ADAMTS20: variants seen among roughly 807,000 people sequenced by gnomAD.
ADAMTS20 encodes A disintegrin and metalloproteinase with thrombospondin motifs 20.
A neutral mutation model predicts 260.1 loss-of-function variants in ADAMTS20; 225 were observed. The observed-to-expected ratio is 0.87, with a 90% CI of 0.78 to 0.97. The LOEUF is 0.97. ADAMTS20 is among the 50% of genes least tolerant of loss of function. The pLI, the probability that ADAMTS20 is intolerant of heterozygous loss-of-function variation, is 0.00. For synonymous variants in ADAMTS20, 802 were observed against 769.5 expected (o/e 1.04, Z -0.70); for missense variants, 2,400 against 2,337.7 (o/e 1.03, Z -0.55).
intron 4 of ADAMTS20, among the ~76,000 whole-genome samples, chr12:43,498,023 A>G (rs1942701574): frequency 6.6e-6 from 1 of 152,090 alleles, no homozygotes; most frequent in Non-Finnish European, 1.5e-5. Flanking sequence ...TTAATAATGC[A>G]TATATATATG....
At chr12:43,388,589 T>C (rs1260583292) in intron 29 of ADAMTS20, among the ~76,000 whole-genome samples, 4 of 152,210 alleles carry the variant, frequency 2.6e-5, no homozygotes, top group Non-Finnish European at 4.4e-5. Flanking sequence ...TTCTTATGTG[T>C]ACAATTTTGT....
chr12:43,404,720 A>G (rs1940879536), intron 28 of ADAMTS20, among the ~76,000 whole-genome samples: 1 of 152,166 alleles, frequency 6.6e-6, no homozygotes. Context: ...TATTTAATAC[A>G]CTAAAAATTA....
chr12:43,505,581 A>G (rs887020306), intron 3 of ADAMTS20, among the ~76,000 whole-genome samples: 1 of 152,152 alleles, frequency 6.6e-6, no homozygotes, highest in African/African-American at 2.4e-5. Flanking sequence ...AAACCACAAT[A>G]TCACTTCACA....
rs764293899 is a variant in ADAMTS20 at position 43,446,633 on chromosome 12, C to T, written c.2159G>A (p.Cys720Tyr). 3 of 1,613,342 alleles carry T rather than the reference C, an allele frequency of 1.9e-6. No individual in the cohort carries two copies. In the South Asian group the frequency reaches 3.3e-5, roughly 18 times the overall value. ...GTTGAAGACACCTGTTATTGTCTTG[C>T]ATGAAGAGTTGTCCCCACCACACAC... is the stretch of plus-strand genomic sequence containing the variant. ...CGVCGGDNSS[C>Y]KTITGVFNSS... is the part of the protein sequence containing the mutation. The change falls in exon 15 of 39, where the codon TGC becomes TAC. Residue 720 changes from cysteine (C) to tyrosine (Y), a missense_variant. Coordinates refer to ENST00000389420, the MANE Select transcript of ADAMTS20 (RefSeq NM_025003.5).
chr12:43,387,015 A>G (rs562664573), intron 29 of ADAMTS20, among the ~76,000 whole-genome samples: 1 of 152,162 alleles, frequency 6.6e-6, no homozygotes, highest in Admixed American at 6.5e-5. Flanking sequence ...TTCTCTGTCC[A>G]GTTTTGTTCC....
At chr12:43,484,908 T>C (rs1592093048) in intron 7 of ADAMTS20, among the ~76,000 whole-genome samples, 1 of 152,120 alleles carries the variant, frequency 6.6e-6, no homozygotes, top group African/African-American at 2.4e-5. Context: ...CATCAGGCTA[T>C]CTAAAGTCAA....
At chr12:43,454,169 C>G in intron 11 of ADAMTS20, 117 bp from the exon 12 acceptor site, 1 of 1,154,154 alleles carries the variant, frequency 8.7e-7, no homozygotes, top group Non-Finnish European at 1.2e-6. Flanking sequence ...TTGAAGCTAG[C>G]TGTTATTAAT....
chr12:43,513,092 A>T (rs1942947671), intron 3 of ADAMTS20, among the ~76,000 whole-genome samples: 1 of 152,168 alleles, frequency 6.6e-6, no homozygotes, highest in Non-Finnish European at 1.5e-5. Context: ...TAGAATAAAA[A>T]CCTGAGACAA....
intron 8 of ADAMTS20, 52 bp downstream of exon 8, chr12:43,468,548 C>A (rs769787639): frequency 2.7e-6 from 3 of 1,108,022 alleles, no homozygotes; most frequent in Non-Finnish European, 4.0e-6. Flanking sequence ...TTCAGGCATT[C>A]TGTGCAAAGA....
At chr12:43,398,260 A>G (rs1412424912) in intron 29 of ADAMTS20, among the ~76,000 whole-genome samples, 1 of 152,078 alleles carries the variant, frequency 6.6e-6, no homozygotes, top group African/African-American at 2.4e-5. Flanking sequence ...TCCTGTCAAT[A>G]TTTCCCAAGC....
intron 3 of ADAMTS20, among the ~76,000 whole-genome samples, chr12:43,515,549 T>C (rs1460810744): frequency 6.6e-6 from 1 of 152,204 alleles, no homozygotes; most frequent in Admixed American, 6.5e-5. Flanking sequence ...CATTCTCATA[T>C]GAAATGTTCA....
intron 36 of ADAMTS20, among the ~76,000 whole-genome samples, chr12:43,370,825 C>T (rs1398152657): frequency 6.6e-6 from 1 of 152,192 alleles, no homozygotes; most frequent in Non-Finnish European, 1.5e-5. Flanking sequence ...TCTCACACCC[C>T]TTCTATCAGA....
chr12:43,531,743 A>G (rs529456577), intron 3 of ADAMTS20, among the ~76,000 whole-genome samples: 2 of 152,238 alleles, frequency 1.3e-5, no homozygotes, highest in South Asian at 4.1e-4. Flanking sequence ...AATGCAGTGT[A>G]TTCTTGAAAA....
chr12:43,504,443 AT>A (rs1942814011), intron 3 of ADAMTS20, among the ~76,000 whole-genome samples: 2 of 152,184 alleles, frequency 1.3e-5, no homozygotes, highest in South Asian at 4.1e-4. Flanking sequence ...AGGTTTTAAA[AT>A]TTATCTCAGT....
intron 28 of ADAMTS20, among the ~76,000 whole-genome samples, chr12:43,418,587 G>A (rs1213091285): frequency 6.6e-6 from 1 of 152,328 alleles, no homozygotes; most frequent in African/African-American, 2.4e-5. Flanking sequence ...GGGATTACAG[G>A]CATGAGCCAC....
intron 34 of ADAMTS20, 28 bp downstream of exon 34, chr12:43,376,208 A>G: frequency 3.3e-6 from 5 of 1,538,454 alleles, no homozygotes; most frequent in Non-Finnish European, 4.4e-6. Context: ...TCAATGTTAA[A>G]ATAAAAAAGG....
rs1939687312 is a variant in ADAMTS20 at position 43,353,906 on chromosome 12, A to C, written c.*303T>G. On this transcript the variant is annotated 3_prime_UTR_variant, in exon 39 of 39. Transcript: ENST00000389420. ...GTATAAAATAAGTGTGGTCCAGGCC[A>C]AGATGTTAAGAGCAACACTGTCTTG... 1 of 199,306 alleles carries C rather than the reference A, an allele frequency of 5.0e-6. No homozygotes were observed. Among genetic ancestry groups the C allele is most frequent in the Admixed American group, 5.7e-5 (1 of 17,568 alleles). The allele number at this position is 199,306 out of a possible 1,614,324, so 12.3% of individuals were successfully genotyped here. A position where few individuals can be genotyped will look rare whatever the true frequency, so the allele number is the denominator to read the frequency against.
intron 28 of ADAMTS20, among the ~76,000 whole-genome samples, chr12:43,408,516 C>G (rs10880485): frequency 6.6e-6 from 1 of 151,854 alleles, no homozygotes; most frequent in Non-Finnish European, 1.5e-5. Flanking sequence ...AAGCCAAGAA[C>G]TATGCTTTTA....
At position 43,545,078 on chromosome 12, in the gene ADAMTS20, C is replaced by T. The variant is rs184446535; in HGVS notation, c.453+5831G>A. On this transcript the variant is annotated intron_variant, in intron 2 of 38. Coordinates refer to ENST00000389420, the MANE Select transcript of ADAMTS20 (RefSeq NM_025003.5). ...CAAAACTGCTCCCAGTAAGGAAGCA[C>T]TGATCTGCAGTAGCATACGGTCCAT... Among the ~76,000 whole-genome samples, 100 of 152,286 alleles carry T rather than the reference C, an allele frequency of 6.6e-4. 2 individuals are homozygous for T. The Middle Eastern group carries it at 0.014, about 21-fold the overall frequency.
Sources: gnomAD v4.1 joint callset for allele counts (sites outside exome capture counted in the v4.1 genomes callset) on GRCh38, gnomAD v4.1.1 for gene constraint, MANE v1.5 for transcripts, NCBI Gene and HGNC (gene_info 2026-07-23, HGNC 2026-07-21) for gene names.